The following SLC25A16 variants were observed in gnomAD, a reference collection of about 807,000 sequenced individuals.
SLC25A16 encodes the protein mitochondrial coenzyme A transporter SLC25A16.
A neutral mutation model predicts 41.5 loss-of-function variants in SLC25A16; 39 were observed. The ratio of observed to expected loss-of-function variants is 0.94; its 90% CI spans 0.73 to 1.23. The LOEUF is 1.23. Ranked by LOEUF, SLC25A16 falls within the 50% of genes most tolerant of loss-of-function variation. The probability of loss-of-function intolerance (pLI) is 0.00; values close to 1 mark genes in which losing one functional copy is unlikely to be tolerated. For synonymous variants in SLC25A16, 146 were observed against 147.8 expected (o/e 0.99, Z 0.09); for missense variants, 421 against 426.9 (o/e 0.99, Z 0.12).
At chr10:68,492,487 T>C (rs2052676017) in intron 6 of SLC25A16, among the ~76,000 whole-genome samples, 1 of 152,036 alleles carries the variant, frequency 6.6e-6, no homozygotes, top group African/African-American at 2.4e-5. Context: ...AAAACAGGAC[T>C]GCTGGGCACG....
At chr10:68,514,881 G>A (rs541312456) in intron 2 of SLC25A16, among the ~76,000 whole-genome samples, 295 of 151,846 alleles carry the variant, frequency 1.9e-3, no homozygotes, top group Non-Finnish European at 9.4e-4. Flanking sequence ...AGGATTACAG[G>A]TGCCTGCCAC....
chr10:68,516,835 C>T lies in SLC25A16; in HGVS notation c.139G>A (p.Gly47Arg). The T allele has an allele frequency of 1.2e-6, 2 of 1,611,516 alleles. No homozygotes were observed. Among genetic ancestry groups the T allele is most frequent in the Middle Eastern group, 1.7e-4 (1 of 6,054 alleles). Residue 47 changes from glycine to arginine, a missense_variant, in exon 2 of 9, where the codon GGA becomes AGA. By Grantham distance (125) the Gly-to-Arg change is moderately radical (BLOSUM62 -2). Transcript: ENST00000609923. The part of the protein sequence containing the change: ...LRSFLAGGIA[G>R]CCAKTTVAPL... ...GCAACTGTTGTTTTGGCACAGCATC[C>T]AGCAATACCTAAAAATTTTTCAAAA...
intron 1 of SLC25A16, among the ~76,000 whole-genome samples, chr10:68,526,127 C>CA (rs1170461803): frequency 6.6e-6 from 1 of 151,842 alleles, no homozygotes; most frequent in Non-Finnish European, 1.5e-5. Flanking sequence ...AAGAGGAAGG[C>CA]ATGCCTCTTG....
intron 7 of SLC25A16, among the ~76,000 whole-genome samples, chr10:68,488,159 T>C (rs1458018118): frequency 6.6e-6 from 1 of 152,016 alleles, no homozygotes; most frequent in African/African-American, 2.4e-5. Flanking sequence ...CTCTTTCTTT[T>C]TTTCTTAGGG....
chr10:68,518,562 T>A (rs147214684), intron 1 of SLC25A16, among the ~76,000 whole-genome samples: 3,264 of 149,716 alleles, frequency 0.022, 116 homozygotes, highest in African/African-American at 0.076. Flanking sequence ...GATCACGAGG[T>A]CAGGAATTCA....
In SLC25A16 at chr10:68,496,396, C is replaced by T. The variant is rs916855220; in HGVS notation, c.422-2826G>A. ...CTTCTTTTAAGAAGGCCAAAAAAGC[C>T]CTCGATGTACAAATAAGGCAAATCA... On this transcript the variant is annotated intron_variant, in intron 4 of 8. Transcript: ENST00000609923. 1.0e-5 allele frequency: 8 copies of T among 762,480 alleles called. No individual in the cohort carries two copies. In the African/African-American group the frequency reaches 1.5e-4, roughly 14 times the overall value. 47.2% of individuals were successfully genotyped at this position (762,480 alleles called of 1,614,324 possible). A position where few individuals can be genotyped will look rare whatever the true frequency, so the allele number is the denominator to read the frequency against.
chr10:68,517,299 A>C (rs543834329), intron 1 of SLC25A16: 2 of 971,166 alleles, frequency 2.1e-6, no homozygotes, highest in African/African-American at 1.8e-5. Context: ...ACCAACTTTT[A>C]CCCATAAAAT....
rs1564908740 is a variant in SLC25A16, at chr10:68,486,240, A to AAAAAAAAC, written c.842+896_842+903dup. 2.9e-4 allele frequency among the ~76,000 whole-genome samples: 43 copies of AAAAAAAAC among 146,830 alleles called. 1 individual carries two copies. Among genetic ancestry groups the AAAAAAAAC allele is most frequent in the African/African-American group, 1.1e-3 (40 of 37,768 alleles). Reference sequence around the variant, plus strand: ...TCTCAAAAAAACAAAACAAAAAAAAAAAAAAAACACAACCTCTAAAATAAT... The same window carrying AAAAAAAAC: ...TCTCAAAAAAACAAAACAAAAAAAAAAAAAAAACAAAAAAACACAACCTCTAAAATAAT... On this transcript the variant is annotated intron_variant, in intron 8 of 8. Transcript: ENST00000609923.
chr10:68,501,250 C>CAA (rs534962296), intron 4 of SLC25A16, among the ~76,000 whole-genome samples: 11 of 142,646 alleles, frequency 7.7e-5, no homozygotes, highest in South Asian at 6.6e-4. Context: ...GACTCCATCT[C>CAA]AAAAAAAAAA....
intron 8 of SLC25A16, among the ~76,000 whole-genome samples, chr10:68,486,239 A>C (rs577416261): frequency 1.0e-4 from 15 of 149,448 alleles, no homozygotes; most frequent in East Asian, 8.0e-4. Context: ...AACAAAAAAA[A>C]AAAAAAAACA....
chr10:68,482,737 G>C lies in SLC25A16; in HGVS notation c.*695C>G, dbSNP rs1046073966. On this transcript the variant is annotated 3_prime_UTR_variant, in exon 9 of 9. Coordinates refer to ENST00000609923, the MANE Select transcript of SLC25A16 (RefSeq NM_152707.4). ...ATTCATTTATTAAGTGGGGTTTCAT[G>C]ATGTTGCATAGGCTGGCATGGAATT... The C allele has an allele frequency of 2.6e-5, 4 of 152,124 alleles. No individual in the cohort carries two copies. Among genetic ancestry groups the C allele is most frequent in the African/African-American group, 9.7e-5 (4 of 41,420 alleles). 9.4% of individuals were successfully genotyped at this position (152,124 alleles called of 1,614,324 possible). A position where few individuals can be genotyped will look rare whatever the true frequency, so the allele number is the denominator to read the frequency against.
intron 2 of SLC25A16, among the ~76,000 whole-genome samples, chr10:68,507,199 A>G (rs191601251): frequency 2.0e-5 from 3 of 150,814 alleles, no homozygotes; most frequent in Non-Finnish European, 4.4e-5. Flanking sequence ...CAGCCTCCCA[A>G]GTAGCTGGGA....
At position 68,506,599 on chromosome 10, in the gene SLC25A16, C is replaced by A; in HGVS notation, c.343G>T (p.Glu115Ter). The A allele has an allele frequency of 6.3e-7, 1 of 1,590,898 alleles. No homozygotes were observed. Among genetic ancestry groups the A allele is most frequent in the South Asian group, 1.2e-5 (1 of 86,278 alleles). ...PYGAIQFMAFEHYKTLITTKL... is the reference protein window; with the variant it reads ...PYGAIQFMAF ...AGTTTAACTACCGTTTTATAATGCT[C>A]AAATGCCATAAACTGGATTGCACCA... is the stretch of plus-strand genomic sequence containing the variant. The change falls in exon 3 of 9, where the codon GAG (glutamate) becomes TAG (stop). Residue 115 changes from glutamate to a stop codon, truncating the protein, a stop_gained. Transcript: ENST00000609923. LOFTEE classifies it high-confidence loss of function.
At chr10:68,486,266 AT>A (rs71019016) in intron 8 of SLC25A16, among the ~76,000 whole-genome samples, 5 of 145,838 alleles carry the variant, frequency 3.4e-5, no homozygotes, top group African/African-American at 5.1e-5. Context: ...CTAAAATAAT[AT>A]TTTTTTTTAT....
chr10:68,524,310 CAAAAAAAAA>C (rs565308290), intron 1 of SLC25A16, among the ~76,000 whole-genome samples: 1 of 44,024 alleles, frequency 2.3e-5, no homozygotes, highest in South Asian at 1.1e-3. Flanking sequence ...AACTCCATCT[CAAAAAAAAA>C]AAAAAAAAAA....
chr10:68,486,433 TG>T (rs1262290008), intron 8 of SLC25A16, among the ~76,000 whole-genome samples: 6 of 151,716 alleles, frequency 4.0e-5, no homozygotes, highest in African/African-American at 1.5e-4. Context: ...AGTTTGTTTT[TG>T]TTTTTTTTAT....
At position 68,527,378 on chromosome 10, in the gene SLC25A16, G is replaced by C. The variant is rs1046954641; in HGVS notation, c.-3C>G. ...GCCGCGGCCGTCGCCGCCGCCATCAGGACCAGGGTCGCGTCAGGAGCCTAG... is the reference window on the plus strand; with the variant it reads ...GCCGCGGCCGTCGCCGCCGCCATCACGACCAGGGTCGCGTCAGGAGCCTAG... On this transcript the variant is annotated 5_prime_UTR_variant, in exon 1 of 9. Transcript: ENST00000609923. The C allele has an allele frequency of 4.0e-6, 6 of 1,488,004 alleles. No individual in the cohort carries two copies. The highest frequency in any genetic ancestry group is 2.9e-5 in the African/African-American group (2 of 68,928). The allele number at this position is 1,488,004 out of a possible 1,614,324, so 92.2% of individuals were successfully genotyped here. A position where few individuals can be genotyped will look rare whatever the true frequency, so the allele number is the denominator to read the frequency against.
rs1490861871 is a variant in SLC25A16 at position 68,481,152 on chromosome 10, T to C, written c.*2280A>G. 1.3e-5 allele frequency: 2 copies of C among 151,764 alleles called. No individual in the cohort carries two copies. Among genetic ancestry groups the C allele is most frequent in the Non-Finnish European group, 1.5e-5 (1 of 67,964 alleles). The allele number at this position is 151,764 out of a possible 1,614,324, so 9.4% of individuals were successfully genotyped here. On this transcript the variant is annotated 3_prime_UTR_variant, in exon 9 of 9. Coordinates refer to ENST00000609923, the MANE Select transcript of SLC25A16 (RefSeq NM_152707.4). ...GGCGCCCGCCACCATGCCCGGCTGA[T>C]TTTTGTATTTTTAGTAGAGACAGGG...
intron 1 of SLC25A16, among the ~76,000 whole-genome samples, chr10:68,518,822 ATAAAT>A (rs1345433680): frequency 9.9e-5 from 15 of 151,674 alleles, no homozygotes; most frequent in African/African-American, 3.2e-4. Context: ...AAATAAATAA[ATAAAT>A]AAAATGTATT....
Sources: gnomAD v4.1 joint callset for allele counts (sites outside exome capture counted in the v4.1 genomes callset) on GRCh38, gnomAD v4.1.1 for gene constraint, MANE v1.5 for transcripts, NCBI Gene and HGNC (gene_info 2026-07-23, HGNC 2026-07-21) for gene names.